IMPG1: variants seen among roughly 807,000 people sequenced by gnomAD.
IMPG1 encodes the protein interphotoreceptor matrix proteoglycan of 150 kDa.
In IMPG1, 85 loss-of-function variants were observed where a neutral mutation model predicts 92.0. That is an observed-to-expected ratio of 0.92 (90% confidence interval 0.78 to 1.11). The LOEUF is 1.11. IMPG1 is among the 50% of genes least tolerant of loss of function. The pLI is 0.00. For missense variants in IMPG1, 1,022 were observed against 956.0 expected, an observed-to-expected ratio of 1.07 and a Z score of -0.91; for synonymous variants, 367 against 334.1, an observed-to-expected ratio of 1.10 and a Z score of -1.08.
Position 76,018,822 on chromosome 6 carries a change from T to A in IMPG1, c.703A>T (p.Arg235Trp). ...ACCAGAGAGACGCTGAGCTCCACCC[T>A]CTGCTCCTCCAACACAGCGAATTCT... is the stretch of plus-strand genomic sequence containing the variant. ...ETEFAVLEEQ[R>W]VELSVSLVNQ... The change falls in exon 7 of 17, where the codon AGG becomes TGG. Residue 235 changes from arginine to tryptophan, a missense_variant. Arg to Trp is a moderately radical substitution (Grantham distance 101). This residue lies in a region of IMPG1 where 681 missense variants were observed against 583.6 expected (regional missense o/e 1.17). Transcript: ENST00000369950. 6.2e-7 allele frequency: 1 copy of A among 1,610,906 alleles called. No homozygotes were observed. Among genetic ancestry groups the A allele is most frequent in the Non-Finnish European group, 8.5e-7 (1 of 1,178,604 alleles).
intron 13 of IMPG1, among the ~76,000 whole-genome samples, chr6:75,950,004 G>A (rs1050628039): frequency 2.6e-5 from 4 of 152,118 alleles, no homozygotes; most frequent in Non-Finnish European, 5.9e-5. Context: ...ATAAACGTGA[G>A]TTTGGGAGTA....
At chr6:75,982,881 T>G (rs1782652012) in intron 12 of IMPG1, among the ~76,000 whole-genome samples, 1 of 152,072 alleles carries the variant, frequency 6.6e-6, no homozygotes, top group Non-Finnish European at 1.5e-5. Context: ...CTTTAAAATC[T>G]AGTGACATAA....
intron 12 of IMPG1, among the ~76,000 whole-genome samples, chr6:75,991,171 T>C (rs901970009): frequency 2.0e-5 from 3 of 152,094 alleles, no homozygotes; most frequent in African/African-American, 7.2e-5. Context: ...GGTGGGCAGA[T>C]CATGAGGTCA....
At chr6:76,048,175 C>T (rs1783977699) in intron 1 of IMPG1, among the ~76,000 whole-genome samples, 1 of 152,172 alleles carries the variant, frequency 6.6e-6, no homozygotes, top group South Asian at 2.1e-4. Flanking sequence ...CCACTGCCTA[C>T]CCCTTACCTG....
In IMPG1 at chr6:75,924,531, A is replaced by ATATTAT. The variant is rs1424848573; in HGVS notation, c.2244-826_2244-825insATAATA. ...TATAATTAATATAATTATATATTAT[A>ATATTAT]ATATAATTATATAATATAATTAATA... On this transcript the variant is annotated intron_variant, in intron 15 of 16. Transcript: ENST00000369950. Among the ~76,000 whole-genome samples, 6 of 44,772 alleles carry ATATTAT rather than the reference A, an allele frequency of 1.3e-4. No homozygotes were observed. In the East Asian group the frequency reaches 3.3e-3, roughly 25 times the overall value. 29.4% of individuals were successfully genotyped at this position (44,772 alleles called of 152,430 possible).
In IMPG1 at chr6:75,947,474, GAAGTT is replaced by G. The variant is rs1292034123; in HGVS notation, c.1879_1883del (p.Asn627GlnfsTer9). 1 of 1,613,764 alleles carries G rather than the reference GAAGTT, an allele frequency of 6.2e-7. No homozygotes were observed. The highest frequency in any genetic ancestry group is 1.3e-5 in the African/African-American group (1 of 74,968). On this transcript the variant is annotated frameshift_variant, in exon 14 of 17. Coordinates refer to ENST00000369950, the MANE Select transcript of IMPG1 (RefSeq NM_001563.4). LOFTEE classifies it high-confidence loss of function. ...TATTCACAATCACACTCCCGTTTCT[GAAGTT>G]AAGTATTTCAAGTTGCTTAAATCCT... is the stretch of plus-strand genomic sequence containing the variant.
At chr6:75,973,078 A>C (rs2149466168) in intron 12 of IMPG1, among the ~76,000 whole-genome samples, 1 of 152,278 alleles carries the variant, frequency 6.6e-6, no homozygotes, top group Non-Finnish European at 1.5e-5. Flanking sequence ...CTCGAGCTCG[A>C]GTGATCCTTC....
Position 75,921,886 on chromosome 6 carries a change from T to TTCTG in IMPG1, c.*202_*203insCAGA. 2.4e-6 allele frequency: 1 copy of TTCTG among 409,420 alleles called. No homozygotes were observed. The highest frequency in any genetic ancestry group is 4.4e-5 in the East Asian group (1 of 22,620). 25.4% of individuals were successfully genotyped at this position (409,420 alleles called of 1,614,324 possible). A position where few individuals can be genotyped will look rare whatever the true frequency, so the allele number is the denominator to read the frequency against. On this transcript the variant is annotated 3_prime_UTR_variant, in exon 17 of 17. Transcript: ENST00000369950. Reference sequence around the variant, plus strand: ...CTGATTGCATTTGGGGTTTTAATAATAAGTAAGTGTCTTTTTCTTCAGAAT... The same window carrying TTCTG: ...CTGATTGCATTTGGGGTTTTAATAATTCTGAAGTAAGTGTCTTTTTCTTCAGAAT...
rs1781662646 is a variant in IMPG1 at position 75,931,133 on chromosome 6, C to G, written c.2063G>C (p.Cys688Ser). ...AAATTCGCCGCAGGCCAGGAACTTG[C>G]AGGGATCTGCTTGATCAGCTGTAAG... Reference protein sequence around the residue: ...NIEPADQADPCKFLACGEFAQ... With the variant: ...NIEPADQADPSKFLACGEFAQ... Residue 688 changes from cysteine (C) to serine (S), a missense_variant, in exon 15 of 17, where the codon TGC becomes TCC. By Grantham distance (112) the Cys-to-Ser change is moderately radical. Transcript: ENST00000369950. 5.0e-6 allele frequency: 8 copies of G among 1,613,250 alleles called. No homozygotes were observed. Among genetic ancestry groups the G allele is most frequent in the Non-Finnish European group, 5.9e-6 (7 of 1,179,566 alleles).
At position 76,034,666 on chromosome 6, in the gene IMPG1, TC is replaced by T. The variant is rs1466825225; in HGVS notation, c.422del (p.Gly141GlufsTer18). The T allele has an allele frequency of 6.2e-7, 1 of 1,614,144 alleles. No homozygotes were observed. The highest frequency in any genetic ancestry group is 2.2e-5 in the East Asian group (1 of 44,882). On this transcript the variant is annotated frameshift_variant, in exon 3 of 17. Transcript: ENST00000369950. LOFTEE classifies it high-confidence loss of function. ...GCTCCTGGGAATTGCTGAAGTTTTT[TC>T]CAATGTCAAAGAGGCAGAAGGTCTC... ...QQETFCLFDI[G>X]KNFSNSQEHL...
intron 12 of IMPG1, among the ~76,000 whole-genome samples, chr6:75,971,110 C>A (rs1782406586): frequency 6.6e-6 from 1 of 151,964 alleles, no homozygotes; most frequent in Non-Finnish European, 1.5e-5. Flanking sequence ...AAATGTGGCA[C>A]ATATACACCA....
At chr6:76,005,177 T>C in intron 10 of IMPG1, 110 bp downstream of exon 10, 1 of 1,046,142 alleles carries the variant, frequency 9.6e-7, no homozygotes, top group East Asian at 2.4e-5. Flanking sequence ...GTCACAGTAA[T>C]GATCGACTTT....
intron 7 of IMPG1, 150 bp downstream of exon 7, chr6:76,018,568 A>C: frequency 2.0e-5 from 12 of 598,300 alleles, no homozygotes; most frequent in Non-Finnish European, 3.4e-5. Context: ...CTAACATGTT[A>C]GGGCCCATTG....
intron 12 of IMPG1, among the ~76,000 whole-genome samples, chr6:75,994,714 G>GTGGGTCCCTCCC (rs1204020386): frequency 2.4e-4 from 37 of 152,188 alleles, no homozygotes; most frequent in Non-Finnish European, 5.1e-4. Context: ...TTACCTCTGG[G>GTGGGTCCCTCCC]TGGGTCCCTC....
rs188150645 is a variant in IMPG1 at position 75,981,895 on chromosome 6, C to T, written c.1291+21023G>A. ...GTTCCAGAAGGAGCTATTTCAAACC[C>T]AAATTTCTAAGTATTACTCATCCTC... is the stretch of plus-strand genomic sequence containing the variant. On this transcript the variant is annotated intron_variant, in intron 12 of 16. Transcript: ENST00000369950. 2.0e-4 allele frequency among the ~76,000 whole-genome samples: 31 copies of T among 152,242 alleles called. 2 individuals are homozygous for T. Among genetic ancestry groups the T allele is most frequent in the Admixed American group, 1.1e-3 (17 of 15,282 alleles).
intron 1 of IMPG1, among the ~76,000 whole-genome samples, chr6:76,058,246 C>A (rs575869043): frequency 5.3e-5 from 8 of 152,100 alleles, no homozygotes; most frequent in Non-Finnish European, 1.2e-4. Flanking sequence ...TCATTTTACT[C>A]TCTCTGAAAC....
chr6:75,976,102 A>G (rs755666900), intron 12 of IMPG1, among the ~76,000 whole-genome samples: 3 of 152,174 alleles, frequency 2.0e-5, no homozygotes, highest in Non-Finnish European at 4.4e-5. Flanking sequence ...AACCAATGAT[A>G]ACATCTTATT....
intron 4 of IMPG1, among the ~76,000 whole-genome samples, chr6:76,031,926 A>G (rs1247032274): frequency 6.6e-6 from 1 of 152,204 alleles, no homozygotes; most frequent in African/African-American, 2.4e-5. Context: ...ATCACCGAGG[A>G]TCTGTAATTT....
At chr6:75,974,392 T>TTTCCTTTC (rs1554230326) in intron 12 of IMPG1, among the ~76,000 whole-genome samples, 1 of 59,524 alleles carries the variant, frequency 1.7e-5, no homozygotes, top group Non-Finnish European at 3.4e-5. Flanking sequence ...TCTTTCTTTC[T>TTTCCTTTC]TTTCTTTCTT....
Sources: allele counts gnomAD v4.1 joint callset (sites outside exome capture counted in the v4.1 genomes callset), GRCh38; gene constraint gnomAD v4.1.1; regional missense constraint gnomAD v4.1.1; transcripts MANE v1.5; gene names NCBI Gene and HGNC (gene_info 2026-07-23, HGNC 2026-07-21).